The following CSMD1 variants were observed in gnomAD, a reference collection of about 807,000 sequenced individuals.
CSMD1 encodes CUB and Sushi multiple domains 1.
A neutral mutation model predicts 417.5 loss-of-function variants in CSMD1; 213 were observed. That is an observed-to-expected ratio of 0.51 (90% CI 0.46 to 0.57). CSMD1 has a LOEUF of 0.57. CSMD1 is among the 20% of genes least tolerant of loss of function. The pLI, the probability that CSMD1 is intolerant of heterozygous loss-of-function variation, is 0.00. For missense variants in CSMD1, 6,923 were observed against 4,529.7 expected (o/e 1.53, Z -15.17); for synonymous variants, 2,862 against 1,736.8 (o/e 1.65, Z -16.11).
At chr8:3,351,678 ATACAT>A (rs1489336818) in intron 21 of CSMD1, among the ~76,000 whole-genome samples, 5 of 149,224 alleles carry the variant, frequency 3.4e-5, no homozygotes, top group Admixed American at 6.7e-5. Flanking sequence ...TTTAATACAT[ATACAT>A]TAAATGATAT....
intron 5 of CSMD1, among the ~76,000 whole-genome samples, chr8:3,862,745 T>A (rs1307096069): frequency 4.6e-5 from 7 of 152,158 alleles, no homozygotes; most frequent in Admixed American, 6.6e-5. Context: ...GAGAAATGAT[T>A]ATGTTTGTTT....
At chr8:3,701,138 A>G (rs1028115523) in intron 7 of CSMD1, among the ~76,000 whole-genome samples, 1 of 151,978 alleles carries the variant, frequency 6.6e-6, no homozygotes, top group Non-Finnish European at 1.5e-5. Flanking sequence ...AGAGGGAGAG[A>G]GATGCCTGTT....
At chr8:3,086,467 C>G (rs1245802216) in intron 49 of CSMD1, among the ~76,000 whole-genome samples, 1 of 152,056 alleles carries the variant, frequency 6.6e-6, no homozygotes, top group Admixed American at 6.6e-5. Flanking sequence ...TGAGCTTTCA[C>G]TCATAAATCA....
At chr8:4,227,123 A>T (rs903921672) in intron 3 of CSMD1, among the ~76,000 whole-genome samples, 1 of 152,198 alleles carries the variant, frequency 6.6e-6, no homozygotes, top group Non-Finnish European at 1.5e-5. Context: ...ATCGCCCCCA[A>T]GAGAAGGGTT....
At chr8:3,442,725 G>A (rs1815065327) in intron 12 of CSMD1, among the ~76,000 whole-genome samples, 2 of 152,156 alleles carry the variant, frequency 1.3e-5, no homozygotes, top group South Asian at 4.1e-4. Flanking sequence ...GACTGCATAT[G>A]CATGTATATA....
At chr8:3,199,258 T>C (rs541392901) in intron 33 of CSMD1, among the ~76,000 whole-genome samples, 1 of 152,204 alleles carries the variant, frequency 6.6e-6, no homozygotes, top group East Asian at 1.9e-4. Context: ...GCATGCGTGA[T>C]ATTTTGTTTT....
intron 2 of CSMD1, among the ~76,000 whole-genome samples, chr8:4,626,712 G>A (rs1183663212): frequency 1.3e-5 from 2 of 152,012 alleles, no homozygotes; most frequent in Non-Finnish European, 2.9e-5. Flanking sequence ...TCCCCATCCT[G>A]ACCTACCCTT....
chr8:3,514,322 G>C (rs772389326), intron 10 of CSMD1, among the ~76,000 whole-genome samples: 7 of 152,026 alleles, frequency 4.6e-5, no homozygotes, highest in Non-Finnish European at 1.0e-4. Context: ...AGATATTTTT[G>C]GCTAGGTGGC....
At chr8:4,892,376 G>T (rs996426553) in intron 1 of CSMD1, among the ~76,000 whole-genome samples, 5 of 152,050 alleles carry the variant, frequency 3.3e-5, no homozygotes, top group Admixed American at 3.3e-4. Flanking sequence ...ACAAGAGCAA[G>T]GGGGAGTTGA....
At position 3,091,596 on chromosome 8, in the gene CSMD1, G is replaced by C; in HGVS notation, c.7205C>G (p.Thr2402Arg). 1 of 1,611,352 alleles carries C rather than the reference G, an allele frequency of 6.2e-7. No homozygotes were observed. The highest frequency in any genetic ancestry group is 8.5e-7 in the Non-Finnish European group (1 of 1,179,336). Reference protein sequence around the residue: ...SGNHTEQSNFTSRSNQLYLRW... With the variant: ...SGNHTEQSNFRSRSNQLYLRW... Reference sequence around the variant, plus strand: ...GAGATATAACTGATTACTCCTGCTTGTAAAATTTGATTGTTCAGTATGATT... The same window carrying C: ...GAGATATAACTGATTACTCCTGCTTCTAAAATTTGATTGTTCAGTATGATT... Residue 2402 changes from threonine to arginine, a missense_variant, in exon 48 of 70, where the codon ACA (threonine) becomes AGA (arginine). By Grantham distance (71) the Thr-to-Arg change is moderately conservative (BLOSUM62 -1). Transcript: ENST00000635120.
chr8:4,541,858 G>A (rs1797403404), intron 2 of CSMD1, among the ~76,000 whole-genome samples: 1 of 152,146 alleles, frequency 6.6e-6, no homozygotes, highest in Non-Finnish European at 1.5e-5. Context: ...TCAGCAATAT[G>A]AAATGCCAGG....
intron 6 of CSMD1, among the ~76,000 whole-genome samples, chr8:3,749,276 C>A (rs1325037694): frequency 6.6e-6 from 1 of 152,182 alleles, no homozygotes; most frequent in African/African-American, 2.4e-5. Flanking sequence ...CATTCAACCA[C>A]AGCCCAATAT....
chr8:4,739,839 C>A (rs902203201), intron 1 of CSMD1, among the ~76,000 whole-genome samples: 1 of 152,138 alleles, frequency 6.6e-6, no homozygotes. Flanking sequence ...TGTCTGGCCC[C>A]CATCCACCGT....
intron 7 of CSMD1, among the ~76,000 whole-genome samples, chr8:3,680,213 C>CA (rs1057038044): frequency 9.2e-5 from 14 of 151,764 alleles, no homozygotes; most frequent in African/African-American, 2.9e-4. Context: ...GATGGAGATA[C>CA]AAAAAAACCC....
rs974745251 is a variant in CSMD1 at position 4,064,087 on chromosome 8, T to G, written c.416-31988A>C. 2.0e-5 allele frequency among the ~76,000 whole-genome samples: 3 copies of G among 152,262 alleles called. No individual in the cohort carries two copies. In the East Asian group the frequency reaches 5.8e-4, roughly 29 times the overall value. On this transcript the variant is annotated intron_variant, in intron 3 of 69. Transcript: ENST00000635120. The stretch of plus-strand genomic sequence containing the variant: ...TGCGCAGTGTGAAGCCCATGTGAAA[T>G]GCGAATCTACTCTCCTGCAGCAAAG...
chr8:4,476,208 C>T (rs1800794967), intron 2 of CSMD1, among the ~76,000 whole-genome samples: 1 of 151,866 alleles, frequency 6.6e-6, no homozygotes, highest in African/African-American at 2.4e-5. Flanking sequence ...TTCTTTTTAA[C>T]AGAAAATAAA....
intron 2 of CSMD1, among the ~76,000 whole-genome samples, chr8:4,437,406 G>A (rs1012713762): frequency 5.3e-5 from 8 of 152,152 alleles, no homozygotes; most frequent in African/African-American, 1.7e-4. Context: ...GACTAGCAAA[G>A]TGAGCCACAT....
chr8:4,817,383 C>T (rs1423641700), intron 1 of CSMD1, among the ~76,000 whole-genome samples: 2 of 152,160 alleles, frequency 1.3e-5, no homozygotes, highest in Non-Finnish European at 2.9e-5. Context: ...AAAATGAGGC[C>T]TGCTTGGCAA....
At chr8:4,199,420 G>C (rs976520188) in intron 3 of CSMD1, among the ~76,000 whole-genome samples, 5 of 152,150 alleles carry the variant, frequency 3.3e-5, no homozygotes, top group African/African-American at 4.8e-5. Flanking sequence ...GCTGGCATTA[G>C]CTGTCAAGTC....
Sources: allele counts gnomAD v4.1 joint callset (sites outside exome capture counted in the v4.1 genomes callset), GRCh38; gene constraint gnomAD v4.1.1; transcripts MANE v1.5; gene names NCBI Gene and HGNC (gene_info 2026-07-23, HGNC 2026-07-21).